Variants in HMGCLL1 observed in about 807,000 individuals in gnomAD.
HMGCLL1 encodes 3-hydroxymethyl-3-methylglutaryl-CoA lyase, cytoplasmic.
In HMGCLL1, 36 loss-of-function variants were observed where a neutral mutation model predicts 39.1. The observed-to-expected ratio is 0.92, with a 90% CI of 0.71 to 1.22. HMGCLL1 has a LOEUF of 1.22. Ranked by LOEUF, HMGCLL1 falls within the 50% of genes most tolerant of loss-of-function variation. HMGCLL1 has a pLI of 0.00. For synonymous variants in HMGCLL1, 149 were observed against 144.0 expected, an observed-to-expected ratio of 1.03 and a Z score of -0.25; for missense variants, 451 against 416.5, an observed-to-expected ratio of 1.08 and a Z score of -0.72.
chr6:55,455,102 C>A (rs939285507), intron 7 of HMGCLL1, among the ~76,000 whole-genome samples: 1 of 151,858 alleles, frequency 6.6e-6, no homozygotes, highest in Admixed American at 6.6e-5. Flanking sequence ...GTGAGACCCC[C>A]ATCTCTAAAA....
At chr6:55,595,122 A>T in the HMGCLL1 span, among the ~76,000 whole-genome samples, 1 of 152,226 alleles carries the variant, frequency 6.6e-6, no homozygotes, top group Non-Finnish European at 1.5e-5. Context: ...ATGAATTTTT[A>T]AGTATTTACC....
chr6:55,611,170 T>A, the HMGCLL1 span, among the ~76,000 whole-genome samples: 5 of 152,156 alleles, frequency 3.3e-5, no homozygotes, highest in African/African-American at 1.2e-4. Flanking sequence ...CCTGTGTATA[T>A]AATGAAATTA....
intron 7 of HMGCLL1, among the ~76,000 whole-genome samples, chr6:55,446,092 C>T (rs1763817796): frequency 6.6e-6 from 1 of 151,720 alleles, no homozygotes; most frequent in African/African-American, 2.4e-5. Flanking sequence ...AAATAAAAGT[C>T]CTGTAGCTCA....
the HMGCLL1 span, among the ~76,000 whole-genome samples, chr6:55,653,767 C>T: frequency 2.6e-5 from 4 of 151,802 alleles, no homozygotes; most frequent in African/African-American, 4.8e-5. Context: ...TTCTGGGAAG[C>T]GCCTTGGGAA....
At chr6:55,666,934 A>AT in the HMGCLL1 span, among the ~76,000 whole-genome samples, 6,615 of 147,170 alleles carry the variant, frequency 0.045, 470 homozygotes, top group African/African-American at 0.15. Context: ...ACAATCTTTT[A>AT]TTTTTTTTTT....
chr6:55,453,646 A>G (rs1327245414), intron 7 of HMGCLL1, among the ~76,000 whole-genome samples: 1 of 152,196 alleles, frequency 6.6e-6, no homozygotes, highest in African/African-American at 2.4e-5. Context: ...TAATTTTGCT[A>G]GCAAGGGAGC....
At chr6:55,656,006 T>C in the HMGCLL1 span, among the ~76,000 whole-genome samples, 2 of 151,988 alleles carry the variant, frequency 1.3e-5, no homozygotes, top group African/African-American at 4.8e-5. Context: ...ATTCTCTTGA[T>C]TTCCTTTCCT....
At chr6:55,677,282 G>A in the HMGCLL1 span, among the ~76,000 whole-genome samples, 3 of 152,094 alleles carry the variant, frequency 2.0e-5, no homozygotes, top group African/African-American at 4.8e-5. Flanking sequence ...CCCACTACTC[G>A]GGAAGCTGAG....
chr6:55,563,897 C>T (rs1244290171), intron 1 of HMGCLL1: 2 of 1,287,802 alleles, frequency 1.6e-6, no homozygotes, highest in South Asian at 1.2e-5. Flanking sequence ...GCAGCATCAG[C>T]ATCACAGACT....
At chr6:55,492,497 A>G (rs1225610520) in intron 7 of HMGCLL1, among the ~76,000 whole-genome samples, 1 of 152,192 alleles carries the variant, frequency 6.6e-6, no homozygotes, top group Non-Finnish European at 1.5e-5. Context: ...ATAAACATAA[A>G]AGTTTCAAAA....
the HMGCLL1 span, among the ~76,000 whole-genome samples, chr6:55,670,107 A>G: frequency 6.6e-6 from 1 of 151,836 alleles, no homozygotes; most frequent in Non-Finnish European, 1.5e-5. Context: ...CACACACTCA[A>G]AAAGACACAT....
intron 7 of HMGCLL1, among the ~76,000 whole-genome samples, chr6:55,448,463 C>T (rs560829436): frequency 2.0e-4 from 31 of 151,380 alleles, no homozygotes; most frequent in African/African-American, 7.3e-4. Flanking sequence ...GATTTTTTTC[C>T]AATCCTCTAT....
At chr6:55,597,884 A>G in the HMGCLL1 span, among the ~76,000 whole-genome samples, 1 of 152,202 alleles carries the variant, frequency 6.6e-6, no homozygotes. Flanking sequence ...TGAGATCTGT[A>G]TATTTCACTT....
At chr6:55,620,137 G>T in the HMGCLL1 span, among the ~76,000 whole-genome samples, 3 of 152,100 alleles carry the variant, frequency 2.0e-5, no homozygotes, top group Non-Finnish European at 4.4e-5. Context: ...GAATAGTGCT[G>T]CAGTAAACAT....
intron 7 of HMGCLL1, 24 bp downstream of exon 7, chr6:55,495,395 T>A: frequency 6.3e-7 from 1 of 1,585,682 alleles, no homozygotes; most frequent in South Asian, 1.1e-5. Flanking sequence ...TGCACACACA[T>A]AACACACAAA....
At chr6:55,596,957 T>G in the HMGCLL1 span, among the ~76,000 whole-genome samples, 1 of 152,090 alleles carries the variant, frequency 6.6e-6, no homozygotes, top group South Asian at 2.1e-4. Context: ...ATAAAAAAGT[T>G]TAAATACTAC....
intron 3 of HMGCLL1, among the ~76,000 whole-genome samples, chr6:55,534,540 A>T (rs550427444): frequency 6.6e-6 from 1 of 152,304 alleles, no homozygotes; most frequent in African/African-American, 2.4e-5. Flanking sequence ...TGCTGTGATA[A>T]AGTCCAAACT....
the HMGCLL1 span, among the ~76,000 whole-genome samples, chr6:55,639,062 T>C: frequency 6.6e-6 from 1 of 152,104 alleles, no homozygotes; most frequent in Non-Finnish European, 1.5e-5. Flanking sequence ...TAGTTATAAT[T>C]AGTAATAATT....
intron 1 of HMGCLL1, among the ~76,000 whole-genome samples, chr6:55,567,747 C>T (rs985818740): frequency 5.9e-5 from 9 of 152,130 alleles, no homozygotes; most frequent in African/African-American, 9.7e-5. Context: ...AAGCTCTAGG[C>T]GTTCTGTTTC....
Sources: gnomAD v4.1 joint callset for allele counts (sites outside exome capture counted in the v4.1 genomes callset) on GRCh38, gnomAD v4.1.1 for gene constraint, MANE v1.5 for transcripts, NCBI Gene and HGNC (gene_info 2026-07-23, HGNC 2026-07-21) for gene names.